The following SEC11A variants were observed in gnomAD, a reference collection of about 807,000 sequenced individuals.
SEC11A encodes signal peptidase complex catalytic subunit SEC11A.
A neutral mutation model predicts 25.6 loss-of-function variants in SEC11A; 14 were observed. That is an observed-to-expected ratio of 0.55 (90% CI 0.36 to 0.85). The LOEUF is 0.85. Ranked by LOEUF, SEC11A falls within the 40% of genes least tolerant of loss-of-function variation. The pLI is 0.01. For missense variants in SEC11A, 153 were observed against 222.9 expected, an observed-to-expected ratio of 0.69 and a Z score of 2.00; for synonymous variants, 83 against 76.4, an observed-to-expected ratio of 1.09 and a Z score of -0.45.
chr15:84,700,593 C>CAAAAAAAAAA lies in SEC11A; in HGVS notation c.52-8959_52-8950dup, dbSNP rs776113920. ...TGGGTGACAGAGGAAGACTCTGTCT[C>CAAAAAAAAAA]AAAAAAAAAAAAAAAAAAAAAAAAA... On this transcript the variant is annotated intron_variant, in intron 1 of 5. Coordinates refer to ENST00000268220, the MANE Select transcript of SEC11A (RefSeq NM_014300.4). Among the ~76,000 whole-genome samples, 16 of 36,102 alleles carry CAAAAAAAAAA rather than the reference C, an allele frequency of 4.4e-4. 1 individual carries two copies. Among genetic ancestry groups the CAAAAAAAAAA allele is most frequent in the Admixed American group, 5.7e-4 (1 of 1,748 alleles). 23.7% of individuals were successfully genotyped at this position (36,102 alleles called of 152,430 possible). A position where few individuals can be genotyped will look rare whatever the true frequency, so the allele number is the denominator to read the frequency against.
Position 84,670,065 on chromosome 15 carries a change from G to A in SEC11A, c.494C>T (p.Ala165Val), listed in dbSNP as rs770709099. 1.9e-6 allele frequency: 3 copies of A among 1,612,574 alleles called. No homozygotes were observed. Among genetic ancestry groups the A allele is most frequent in the Non-Finnish European group, 2.5e-6 (3 of 1,179,364 alleles). Residue 165 changes from alanine (A) to valine (V), a missense_variant, in exon 6 of 6, where the codon GCA (alanine) becomes GTA (valine). By Grantham distance (64) the Ala-to-Val change is moderately conservative. Transcript: ENST00000268220. The stretch of plus-strand genomic sequence containing the variant: ...GAATAAACCCAGCAAAAAGAGAACT[G>A]CATACTAGAAAATAAACACAGAACC... ...LMNDYPKFKYAVLFLLGLFVL... is the reference protein window; with the variant it reads ...LMNDYPKFKYVVLFLLGLFVL...
intron 1 of SEC11A, among the ~76,000 whole-genome samples, chr15:84,695,624 G>A (rs1897745746): frequency 6.6e-6 from 1 of 152,070 alleles, no homozygotes; most frequent in South Asian, 2.1e-4. Context: ...GAGCAAGACT[G>A]TGTCTCAAAA....
chr15:84,670,070 C>G lies in SEC11A; in HGVS notation c.490-1G>C. The G allele has an allele frequency of 6.2e-7, 1 of 1,612,532 alleles. No homozygotes were observed. The highest frequency in any genetic ancestry group is 1.3e-5 in the African/African-American group (1 of 74,976). ...AACCCAGCAAAAAGAGAACTGCATA[C>G]TAGAAAATAAACACAGAACCACAAG... On this transcript the variant is annotated splice_acceptor_variant, in intron 5 of 5. Coordinates refer to ENST00000268220, the MANE Select transcript of SEC11A (RefSeq NM_014300.4). LOFTEE classifies it high-confidence loss of function.
intron 2 of SEC11A, 63 bp downstream of exon 2, chr15:84,691,472 T>G: frequency 1.1e-6 from 1 of 885,754 alleles, no homozygotes; most frequent in Non-Finnish European, 1.8e-6. Context: ...AGTTATTTCA[T>G]ATCTCAATTT....
At position 84,694,352 on chromosome 15, in the gene SEC11A, CA is replaced by C. The variant is rs888825845; in HGVS notation, c.52-2709del. Among the ~76,000 whole-genome samples the C allele has an allele frequency of 5.0e-3, 696 of 138,808 alleles. 1 individual carries two copies. Among genetic ancestry groups the C allele is most frequent in the African/African-American group, 0.015 (577 of 37,908 alleles). 91.1% of individuals were successfully genotyped at this position (138,808 alleles called of 152,430 possible). ...CCTGGGCAACTGAGCAAGACTCTCTCAAAAAAAAAAAGGAAGAAAATAAAAT... is the reference window on the plus strand; with the variant it reads ...CCTGGGCAACTGAGCAAGACTCTCTCAAAAAAAAAAGGAAGAAAATAAAAT... On this transcript the variant is annotated intron_variant, in intron 1 of 5. Coordinates refer to ENST00000268220, the MANE Select transcript of SEC11A (RefSeq NM_014300.4).
At chr15:84,676,539 C>T (rs191014215) in intron 4 of SEC11A, among the ~76,000 whole-genome samples, 49 of 150,948 alleles carry the variant, frequency 3.2e-4, no homozygotes, top group African/African-American at 8.8e-4. Context: ...TTTGGGAGGC[C>T]GAGGCGGGCA....
At chr15:84,696,846 G>T (rs1379103214) in intron 1 of SEC11A, among the ~76,000 whole-genome samples, 1 of 152,104 alleles carries the variant, frequency 6.6e-6, no homozygotes, top group Non-Finnish European at 1.5e-5. Context: ...TAGAGTTGCA[G>T]AAGTTACCTA....
At chr15:84,715,689 A>G (rs1898440394) in intron 1 of SEC11A, among the ~76,000 whole-genome samples, 1 of 152,216 alleles carries the variant, frequency 6.6e-6, no homozygotes, top group East Asian at 1.9e-4. Flanking sequence ...GGAGAAATCA[A>G]GAGTCCGCCG....
intron 3 of SEC11A, among the ~76,000 whole-genome samples, chr15:84,686,156 A>C (rs193125672): frequency 6.6e-6 from 1 of 152,214 alleles, no homozygotes; most frequent in Non-Finnish European, 1.5e-5. Context: ...ATATAATGTC[A>C]CTTTAAATTA....
Position 84,700,593 on chromosome 15 carries a change from C to CAAAAAAAAAAAAAAAAAAAAAAA in SEC11A, c.52-8972_52-8950dup, listed in dbSNP as rs776113920. 8.3e-5 allele frequency among the ~76,000 whole-genome samples: 3 copies of CAAAAAAAAAAAAAAAAAAAAAAA among 36,094 alleles called. 1 individual carries two copies. Among genetic ancestry groups the CAAAAAAAAAAAAAAAAAAAAAAA allele is most frequent in the African/African-American group, 2.7e-4 (2 of 7,414 alleles). The allele number at this position is 36,094 out of a possible 152,430, so 23.7% of individuals were successfully genotyped here. On this transcript the variant is annotated intron_variant, in intron 1 of 5. Coordinates refer to ENST00000268220, the MANE Select transcript of SEC11A (RefSeq NM_014300.4). ...TGGGTGACAGAGGAAGACTCTGTCT[C>CAAAAAAAAAAAAAAAAAAAAAAA]AAAAAAAAAAAAAAAAAAAAAAAAA...
intron 1 of SEC11A, among the ~76,000 whole-genome samples, chr15:84,713,801 T>C (rs140134253): frequency 2.5e-3 from 387 of 152,304 alleles, no homozygotes; most frequent in Non-Finnish European, 3.9e-3. Context: ...CTTTTGATTA[T>C]TGGAATGCTA....
At position 84,669,963 on chromosome 15, in the gene SEC11A, C is replaced by T. The variant is rs1388047483; in HGVS notation, c.*56G>A. 6.2e-7 allele frequency: 1 copy of T among 1,611,592 alleles called. No homozygotes were observed. Among genetic ancestry groups the T allele is most frequent in the East Asian group, 2.2e-5 (1 of 44,864 alleles). ...ACCAATCACAGACCAGTATCTACTC[C>T]AAACATCCAGTAACGAAAACTATGG... On this transcript the variant is annotated 3_prime_UTR_variant, in exon 6 of 6. Transcript: ENST00000268220.
At chr15:84,695,959 G>C (rs1897755778) in intron 1 of SEC11A, among the ~76,000 whole-genome samples, 1 of 152,084 alleles carries the variant, frequency 6.6e-6, no homozygotes, top group African/African-American at 2.4e-5. Context: ...AACTGTTTTG[G>C]TTTATTTTTT....
At chr15:84,695,570 G>A (rs147565742) in intron 1 of SEC11A, among the ~76,000 whole-genome samples, 341 of 152,262 alleles carry the variant, frequency 2.2e-3, no homozygotes, top group African/African-American at 8.0e-3. Flanking sequence ...CGTAAAGGCT[G>A]CAGTGAGCTA....
At chr15:84,693,203 GA>G (rs953362851) in intron 1 of SEC11A, among the ~76,000 whole-genome samples, 3 of 151,550 alleles carry the variant, frequency 2.0e-5, no homozygotes, top group African/African-American at 7.3e-5. Flanking sequence ...CAATGTCATG[GA>G]AAAAAAGGTG....
At chr15:84,701,721 A>G (rs1050784608) in intron 1 of SEC11A, among the ~76,000 whole-genome samples, 11 of 152,218 alleles carry the variant, frequency 7.2e-5, no homozygotes, top group Non-Finnish European at 1.5e-4. Flanking sequence ...TACATTAATC[A>G]AAAGAAAATT....
In SEC11A at chr15:84,670,098, A is replaced by G. The variant is rs1896943255; in HGVS notation, c.490-29T>C. On this transcript the variant is annotated intron_variant, in intron 5 of 5. Coordinates refer to ENST00000268220, the MANE Select transcript of SEC11A (RefSeq NM_014300.4). ...GAAAATAAACACAGAACCACAAGTC[A>G]GAGAAGCGTTGAAAAGTTCAGAGGT... 4.4e-6 allele frequency: 7 copies of G among 1,607,916 alleles called. No homozygotes were observed. In the South Asian group the frequency reaches 6.7e-5, roughly 15 times the overall value.
chr15:84,673,520 T>G (rs1897056242), intron 4 of SEC11A: 1 of 157,782 alleles, frequency 6.3e-6, no homozygotes, highest in African/African-American at 2.4e-5. Flanking sequence ...CACTGAGACC[T>G]GTCTCTCTTG....
chr15:84,695,051 T>C lies in SEC11A; in HGVS notation c.52-3407A>G, dbSNP rs191178425. Among the ~76,000 whole-genome samples the C allele has an allele frequency of 1.0e-4, 12 of 118,080 alleles. No individual in the cohort carries two copies. In the East Asian group the frequency reaches 2.5e-3, roughly 25 times the overall value. The allele number at this position is 118,080 out of a possible 152,430, so 77.5% of individuals were successfully genotyped here. On this transcript the variant is annotated intron_variant, in intron 1 of 5. Transcript: ENST00000268220. Reference sequence around the variant, plus strand: ...GTTGCAGTGAGCTGAGATCGCACCATTGCATTCCAGCCTGGGCGACACAGC... The same window carrying C: ...GTTGCAGTGAGCTGAGATCGCACCACTGCATTCCAGCCTGGGCGACACAGC...
Sources: allele counts gnomAD v4.1 joint callset (sites outside exome capture counted in the v4.1 genomes callset), GRCh38; gene constraint gnomAD v4.1.1; transcripts MANE v1.5; gene names NCBI Gene and HGNC (gene_info 2026-07-23, HGNC 2026-07-21).